Variants in LRP1B observed in about 807,000 individuals in gnomAD.
The protein encoded by LRP1B is LDL receptor related protein 1B.
LRP1B carries 217 observed loss-of-function variants against 556.6 expected under a neutral mutation model. The observed-to-expected ratio is 0.39, with a 90% CI of 0.35 to 0.44. The LOEUF is 0.44. LRP1B is among the 20% of genes least tolerant of loss of function. The probability of loss-of-function intolerance (pLI) is 1.00; values close to 1 mark genes in which losing one functional copy is unlikely to be tolerated. For missense variants in LRP1B, 5,053 were observed against 5,620.8 expected, an observed-to-expected ratio of 0.90 and a Z score of 3.23; for synonymous variants, 2,047 against 1,865.8, an observed-to-expected ratio of 1.10 and a Z score of -2.50.
intron 1 of LRP1B, among the ~76,000 whole-genome samples, chr2:141,943,546 C>T (rs1440078229): frequency 6.6e-6 from 1 of 152,138 alleles, no homozygotes; most frequent in East Asian, 1.9e-4. Context: ...TTACCATTAG[C>T]CAAATGATAC....
At chr2:141,648,429 C>T (rs1463201326) in intron 2 of LRP1B, among the ~76,000 whole-genome samples, 1 of 152,194 alleles carries the variant, frequency 6.6e-6, no homozygotes, top group African/African-American at 2.4e-5. Flanking sequence ...TCATCTCTCC[C>T]ATGAATCCTT....
intron 3 of LRP1B, among the ~76,000 whole-genome samples, chr2:141,392,380 G>T (rs1690082954): frequency 6.8e-6 from 1 of 146,312 alleles, no homozygotes; most frequent in South Asian, 2.2e-4. Flanking sequence ...GTGAGTAAAT[G>T]CATGTGGTAA....
intron 11 of LRP1B, among the ~76,000 whole-genome samples, chr2:141,030,517 A>G (rs1698337941): frequency 6.6e-6 from 1 of 152,154 alleles, no homozygotes; most frequent in Admixed American, 6.6e-5. Context: ...ACATTCTTCT[A>G]TGATTAACAA....
intron 1 of LRP1B, among the ~76,000 whole-genome samples, chr2:142,088,457 C>G (rs1559064499): frequency 6.6e-6 from 1 of 151,990 alleles, no homozygotes; most frequent in Admixed American, 6.5e-5. Flanking sequence ...AGTGAAAACT[C>G]TACTAGTTAA....
intron 7 of LRP1B, among the ~76,000 whole-genome samples, chr2:141,117,845 C>G (rs1700944890): frequency 6.6e-6 from 1 of 152,042 alleles, no homozygotes; most frequent in East Asian, 1.9e-4. Flanking sequence ...TTATTTGTTT[C>G]TAAGTCTGTT....
intron 1 of LRP1B, among the ~76,000 whole-genome samples, chr2:141,940,794 A>T (rs1700774518): frequency 6.6e-6 from 1 of 152,186 alleles, no homozygotes; most frequent in African/African-American, 2.4e-5. Flanking sequence ...AATTCCTTAG[A>T]GAGGAACTAA....
At position 140,353,027 on chromosome 2, in the gene LRP1B, A is replaced by T. The variant is rs1440881639; in HGVS notation, c.11576T>A (p.Ile3859Lys). The part of the protein sequence containing the change: ...LVFGTCSHQC[I>K]NVEGSYKCVC... ...ACATTTATATGATCCTTCCACATTT[A>T]TACATTGATGGGAACATGTGCCAAA... The change falls in exon 76 of 91, where the codon ATA becomes AAA. Residue 3859 changes from isoleucine to lysine, a missense_variant. This residue lies in a region of LRP1B where 599 missense variants were observed against 648.4 expected (regional missense o/e 0.92). Coordinates refer to ENST00000389484, the MANE Select transcript of LRP1B (RefSeq NM_018557.3). The T allele has an allele frequency of 6.2e-7, 1 of 1,612,808 alleles. No homozygotes were observed. Among genetic ancestry groups the T allele is most frequent in the Non-Finnish European group, 8.5e-7 (1 of 1,179,390 alleles).
intron 66 of LRP1B, among the ~76,000 whole-genome samples, chr2:140,402,167 G>A (rs1684532547): frequency 6.6e-6 from 1 of 152,182 alleles, no homozygotes; most frequent in Non-Finnish European, 1.5e-5. Flanking sequence ...CAGGGTAGGT[G>A]CGGAGAACCA....
chr2:141,533,878 C>T (rs114658833), intron 2 of LRP1B, among the ~76,000 whole-genome samples: 207 of 152,202 alleles, frequency 1.4e-3, no homozygotes, highest in African/African-American at 4.7e-3. Context: ...TGTTTATTTC[C>T]TACCCAGATT....
intron 6 of LRP1B, among the ~76,000 whole-genome samples, chr2:141,205,434 C>G (rs1047681699): frequency 6.6e-6 from 1 of 152,106 alleles, no homozygotes; most frequent in Non-Finnish European, 1.5e-5. Context: ...CTCAGGCTCT[C>G]CACATGGAAT....
chr2:141,451,611 A>G (rs572754287), intron 3 of LRP1B, among the ~76,000 whole-genome samples: 1 of 152,268 alleles, frequency 6.6e-6, no homozygotes, highest in East Asian at 1.9e-4. Flanking sequence ...TCTTGTTCTC[A>G]TAGAAGTTAT....
intron 1 of LRP1B, among the ~76,000 whole-genome samples, chr2:142,002,543 T>C (rs1257308048): frequency 6.6e-6 from 1 of 151,076 alleles, no homozygotes; most frequent in Non-Finnish European, 1.5e-5. Flanking sequence ...GTATGGGAGA[T>C]TTATACATAT....
At chr2:141,555,911 GT>G (rs1365520923) in intron 2 of LRP1B, among the ~76,000 whole-genome samples, 3 of 151,936 alleles carry the variant, frequency 2.0e-5, no homozygotes, top group Admixed American at 6.6e-5. Context: ...AAGTAAGCCA[GT>G]TTTAAATCTT....
intron 2 of LRP1B, among the ~76,000 whole-genome samples, chr2:141,747,908 T>C (rs1157155387): frequency 6.6e-6 from 1 of 152,172 alleles, no homozygotes; most frequent in Non-Finnish European, 1.5e-5. Flanking sequence ...TCCATTTTTA[T>C]AGATGAAGAT....
chr2:141,288,996 A>G (rs981599965), intron 3 of LRP1B, among the ~76,000 whole-genome samples: 1 of 152,210 alleles, frequency 6.6e-6, no homozygotes, highest in African/African-American at 2.4e-5. Flanking sequence ...TTAAATGGCT[A>G]CTTTTTTCTT....
chr2:141,315,936 T>G (rs1441090680), intron 3 of LRP1B, among the ~76,000 whole-genome samples: 1 of 108,396 alleles, frequency 9.2e-6, no homozygotes, highest in African/African-American at 3.3e-5. Flanking sequence ...TACATTAGTA[T>G]CCACAGGCTT....
chr2:141,967,965 T>C (rs916863899), intron 1 of LRP1B, among the ~76,000 whole-genome samples: 2 of 151,844 alleles, frequency 1.3e-5, no homozygotes, highest in Admixed American at 6.6e-5. Context: ...TTAAAAAAAG[T>C]ATTAAATCAG....
chr2:140,517,911 A>T (rs1481270211), intron 49 of LRP1B, among the ~76,000 whole-genome samples: 2 of 151,884 alleles, frequency 1.3e-5, no homozygotes, highest in Non-Finnish European at 2.9e-5. Context: ...AGGTTTTACC[A>T]TACTGGTCAG....
At chr2:142,114,581 G>A (rs988774312) in intron 1 of LRP1B, among the ~76,000 whole-genome samples, 4 of 151,938 alleles carry the variant, frequency 2.6e-5, no homozygotes, top group Admixed American at 2.0e-4. Flanking sequence ...AATATTATTC[G>A]GTCATGAAAA....
Sources: allele counts gnomAD v4.1 joint callset (sites outside exome capture counted in the v4.1 genomes callset), GRCh38; gene constraint gnomAD v4.1.1; regional missense constraint gnomAD v4.1.1; transcripts MANE v1.5; gene names NCBI Gene and HGNC (gene_info 2026-07-23, HGNC 2026-07-21).